The following PRKD1 variants were observed in gnomAD, a reference collection of about 807,000 sequenced individuals.
PRKD1 encodes protein kinase D1.
Under a neutral mutation model 95.9 loss-of-function variants are expected in PRKD1, and 63 were observed. That is an observed-to-expected ratio of 0.66 (90% CI 0.54 to 0.81). PRKD1 has a LOEUF of 0.81. Ranked by LOEUF, PRKD1 falls within the 30% of genes least tolerant of loss-of-function variation. The pLI is 0.00. For synonymous variants in PRKD1, 425 were observed against 423.1 expected (o/e 1.00, Z -0.05); for missense variants, 1,048 against 1,165.3 (o/e 0.90, Z 1.47).
chr14:29,587,983 T>TTAACTGGCTTAACCC (rs1892993740), intron 16 of PRKD1, among the ~76,000 whole-genome samples: 1 of 152,192 alleles, frequency 6.6e-6, no homozygotes, highest in African/African-American at 2.4e-5. Context: ...GTTCACTGGC[T>TTAACTGGCTTAACCC]AGTCTCCTCG....
chr14:29,729,159 G>A (rs1886315375), intron 1 of PRKD1, among the ~76,000 whole-genome samples: 1 of 151,994 alleles, frequency 6.6e-6, no homozygotes, highest in African/African-American at 2.4e-5. Context: ...TTGAGTCTAT[G>A]ATCTACTTCA....
In PRKD1 at chr14:29,642,912, AT is replaced by A. The variant is rs5807544; in HGVS notation, c.697-4009del. Among the ~76,000 whole-genome samples, 891 of 146,484 alleles carry A rather than the reference AT, an allele frequency of 6.1e-3. 5 individuals carry two copies. Among genetic ancestry groups the A allele is most frequent in the African/African-American group, 0.019 (746 of 39,884 alleles). The stretch of plus-strand genomic sequence containing the variant: ...GTGAACCTGAAAAATCTGCAGAATG[AT>A]TTTTTTTTTTTTAATGAGAAGAGGA... On this transcript the variant is annotated intron_variant, in intron 4 of 17. Transcript: ENST00000331968.
chr14:29,848,646 G>T (rs779908274), intron 1 of PRKD1, among the ~76,000 whole-genome samples: 49 of 149,586 alleles, frequency 3.3e-4, no homozygotes, highest in Non-Finnish European at 5.6e-4. Context: ...CACATTATCA[G>T]ATTCAAGTGT....
chr14:29,643,217 T>C (rs1432530386), intron 4 of PRKD1, among the ~76,000 whole-genome samples: 1 of 152,126 alleles, frequency 6.6e-6, no homozygotes, highest in Non-Finnish European at 1.5e-5. Flanking sequence ...TATAAATGAT[T>C]TGATTTGGCA....
Position 29,801,613 on chromosome 14 carries a change from G to C in PRKD1, c.265-75939C>G, listed in dbSNP as rs180680482. Among the ~76,000 whole-genome samples the C allele has an allele frequency of 6.8e-4, 103 of 151,830 alleles. 1 individual carries two copies. Among genetic ancestry groups the C allele is most frequent in the Middle Eastern group, 6.9e-3 (2 of 290 alleles). On this transcript the variant is annotated intron_variant, in intron 1 of 17. Coordinates refer to ENST00000331968, the MANE Select transcript of PRKD1 (RefSeq NM_002742.3). ...AACAAGTGGGGAGTATTAACACTTA[G>C]GTTTTGGTGGTCTTATATGAATTAC...
At chr14:29,632,775 C>A in intron 9 of PRKD1, 94 bp downstream of exon 9, 1 of 1,160,452 alleles carries the variant, frequency 8.6e-7, no homozygotes, top group Non-Finnish European at 1.2e-6. Flanking sequence ...AAAATAGCCA[C>A]GTTTGTTGGA....
chr14:29,772,973 T>C (rs1888577229), intron 1 of PRKD1, among the ~76,000 whole-genome samples: 1 of 152,232 alleles, frequency 6.6e-6, no homozygotes, highest in Non-Finnish European at 1.5e-5. Flanking sequence ...GCTCATTTTT[T>C]GTTTTAATAA....
chr14:29,787,038 A>G (rs1889304418), intron 1 of PRKD1, among the ~76,000 whole-genome samples: 1 of 151,684 alleles, frequency 6.6e-6, no homozygotes, highest in Non-Finnish European at 1.5e-5. Flanking sequence ...TTCAATTTTC[A>G]TTTGTTCCGA....
chr14:29,632,994 AT>A, intron 8 of PRKD1, 48 bp from the exon 9 acceptor site: 1 of 1,495,322 alleles, frequency 6.7e-7, no homozygotes, highest in Non-Finnish European at 9.3e-7. Flanking sequence ...CTTTAAAAAT[AT>A]CCCCAATTGA....
intron 1 of PRKD1, among the ~76,000 whole-genome samples, chr14:29,807,955 C>A (rs191615435): frequency 4.5e-4 from 68 of 152,214 alleles, no homozygotes; most frequent in Middle Eastern, 6.8e-3. Flanking sequence ...CTCCTAGCCT[C>A]AAGTGATTCG....
chr14:29,625,532 A>G (rs1165964656), intron 12 of PRKD1, among the ~76,000 whole-genome samples: 2 of 152,070 alleles, frequency 1.3e-5, no homozygotes, highest in Non-Finnish European at 2.9e-5. Flanking sequence ...ACCATGATCT[A>G]TCTACCATAA....
intron 1 of PRKD1, among the ~76,000 whole-genome samples, chr14:29,864,726 G>A (rs1302844301): frequency 6.6e-6 from 1 of 152,080 alleles, no homozygotes; most frequent in Non-Finnish European, 1.5e-5. Flanking sequence ...TTGTAAAGAA[G>A]TAATATAGTT....
Position 29,659,796 on chromosome 14 carries a change from T to C in PRKD1, c.696+3903A>G, listed in dbSNP as rs933053511. 9.9e-5 allele frequency among the ~76,000 whole-genome samples: 15 copies of C among 152,194 alleles called. No homozygotes were observed. The East Asian group carries it at 1.5e-3, about 16-fold the overall frequency. ...GTATATAGCTATATTTTAAATAACG[T>C]TGTCTGTCTTCTAACTTTTTTGTAA... On this transcript the variant is annotated intron_variant, in intron 4 of 17. Coordinates refer to ENST00000331968, the MANE Select transcript of PRKD1 (RefSeq NM_002742.3).
chr14:29,882,170 C>A (rs1397623795), intron 1 of PRKD1, among the ~76,000 whole-genome samples: 1 of 152,196 alleles, frequency 6.6e-6, no homozygotes, highest in Non-Finnish European at 1.5e-5. Context: ...CAAAGCATTT[C>A]TGCTAAATAC....
intron 1 of PRKD1, among the ~76,000 whole-genome samples, chr14:29,825,078 T>C (rs1402830917): frequency 2.0e-5 from 3 of 152,090 alleles, no homozygotes; most frequent in Admixed American, 1.3e-4. Flanking sequence ...TCCAAAGAGA[T>C]GTAAGACTTT....
rs183418922 is a variant in PRKD1, at chr14:29,716,207, G to A, written c.403+9329C>T. Among the ~76,000 whole-genome samples the A allele has an allele frequency of 1.1e-4, 17 of 152,290 alleles. No homozygotes were observed. The South Asian group carries it at 2.3e-3, about 20-fold the overall frequency. On this transcript the variant is annotated intron_variant, in intron 2 of 17. Transcript: ENST00000331968. Reference sequence around the variant, plus strand: ...AGCACAGTAATAGATGAAAAGAGAAGAGAAGCAGAAACAGTAATTTCTGGC... The same window carrying A: ...AGCACAGTAATAGATGAAAAGAGAAAAGAAGCAGAAACAGTAATTTCTGGC...
Position 29,703,641 on chromosome 14 carries a change from T to C in PRKD1, c.403+21895A>G, listed in dbSNP as rs376784431. 1.6e-4 allele frequency among the ~76,000 whole-genome samples: 25 copies of C among 152,314 alleles called. No individual in the cohort carries two copies. In the South Asian group the frequency reaches 4.6e-3, roughly 28 times the overall value. On this transcript the variant is annotated intron_variant, in intron 2 of 17. Coordinates refer to ENST00000331968, the MANE Select transcript of PRKD1 (RefSeq NM_002742.3). ...AGGAAGATGTAGGTATAAAGGAAGATGATAAGATTTACGTGTATATCTTTT... is the reference window on the plus strand; with the variant it reads ...AGGAAGATGTAGGTATAAAGGAAGACGATAAGATTTACGTGTATATCTTTT...
chr14:29,688,680 C>T (rs1052327720), intron 2 of PRKD1, among the ~76,000 whole-genome samples: 1 of 151,988 alleles, frequency 6.6e-6, no homozygotes, highest in African/African-American at 2.4e-5. Context: ...CCCTGTAATC[C>T]AAGCACTTTG....
chr14:29,908,441 C>T (rs1422529581), intron 1 of PRKD1, among the ~76,000 whole-genome samples: 2 of 151,804 alleles, frequency 1.3e-5, no homozygotes, highest in African/African-American at 4.8e-5. Context: ...TAACAGGCGC[C>T]CACCACCACA....
Sources: allele counts gnomAD v4.1 joint callset (sites outside exome capture counted in the v4.1 genomes callset), GRCh38; gene constraint gnomAD v4.1.1; transcripts MANE v1.5; gene names NCBI Gene and HGNC (gene_info 2026-07-23, HGNC 2026-07-21).